THSD7B: variants seen among roughly 807,000 people sequenced by gnomAD.
THSD7B encodes thrombospondin type 1 domain containing 7B.
A neutral mutation model predicts 213.6 loss-of-function variants in THSD7B; 138 were observed. The ratio of observed to expected loss-of-function variants is 0.65; its 90% CI spans 0.56 to 0.74. The LOEUF (loss-of-function observed/expected upper bound fraction) is 0.74. THSD7B is among the 30% of genes least tolerant of loss of function. The pLI is 0.00. For synonymous variants in THSD7B, 742 were observed against 687.0 expected (o/e 1.08, Z -1.25); for missense variants, 1,931 against 1,991.5 (o/e 0.97, Z 0.58).
At chr2:137,160,192 C>T (rs769027697) in intron 5 of THSD7B, 21 bp from the exon 6 acceptor site, 32 of 1,603,048 alleles carry the variant, frequency 2.0e-5, no homozygotes, top group East Asian at 1.8e-4. Context: ...TGACATGGTC[C>T]GTTATCTTTT....
chr2:137,615,460 C>A (rs1469737221), intron 17 of THSD7B, among the ~76,000 whole-genome samples: 1 of 152,150 alleles, frequency 6.6e-6, no homozygotes, highest in Non-Finnish European at 1.5e-5. Flanking sequence ...TGTGGGTAGA[C>A]CAGCTGGATG....
intron 27 of THSD7B, among the ~76,000 whole-genome samples, chr2:137,675,262 T>C (rs1293282288): frequency 6.6e-6 from 1 of 152,028 alleles, no homozygotes; most frequent in South Asian, 2.1e-4. Context: ...ATGGTGATGG[T>C]ACACATGCTG....
At chr2:137,250,083 G>A (rs745973036) in intron 10 of THSD7B, among the ~76,000 whole-genome samples, 1 of 152,128 alleles carries the variant, frequency 6.6e-6, no homozygotes, top group Non-Finnish European at 1.5e-5. Flanking sequence ...CTGTCCTGGT[G>A]CTCCTGTTCA....
intron 3 of THSD7B, among the ~76,000 whole-genome samples, chr2:137,060,113 CAT>C (rs1463233728): frequency 2.0e-5 from 3 of 152,060 alleles, no homozygotes; most frequent in Non-Finnish European, 2.9e-5. Flanking sequence ...TCCTTAATGA[CAT>C]GTGATGCTGA....
chr2:137,651,147 G>T (rs1683129767), intron 21 of THSD7B, among the ~76,000 whole-genome samples: 1 of 151,952 alleles, frequency 6.6e-6, no homozygotes, highest in African/African-American at 2.4e-5. Context: ...GAGTAGAATT[G>T]GTATTAGTTC....
intron 15 of THSD7B, among the ~76,000 whole-genome samples, chr2:137,453,506 T>C (rs1222189736): frequency 6.6e-6 from 1 of 151,794 alleles, no homozygotes; most frequent in East Asian, 1.9e-4. Flanking sequence ...ATTTTTTGTA[T>C]TTTTAGTAGA....
chr2:137,160,318 C>A lies in THSD7B; in HGVS notation c.1475C>A (p.Ala492Asp), dbSNP rs776371329. Residue 492 changes from alanine to aspartate, a missense_variant, in exon 6 of 28, where the codon GCC (alanine) becomes GAC (aspartate). Ala to Asp is a moderately radical substitution (Grantham distance 126, BLOSUM62 -2). Transcript: ENST00000409968. ...STDCIVSSWS[A>D]WGLCIHENCH... ...GACTGCATAGTATCTTCCTGGTCAG[C>A]CTGGGGCCTGTGCATCCATGAAAAC... 1.2e-6 allele frequency: 2 copies of A among 1,613,590 alleles called. No homozygotes were observed. The highest frequency in any genetic ancestry group is 1.7e-6 in the Non-Finnish European group (2 of 1,179,682).
At chr2:137,120,717 CTCTAGTGTTAACTCCATCT>C (rs1268352403) in intron 5 of THSD7B, among the ~76,000 whole-genome samples, 1 of 152,186 alleles carries the variant, frequency 6.6e-6, no homozygotes, top group Non-Finnish European at 1.5e-5. Flanking sequence ...TGCTCCAGAT[CTCTAGTGTTAACTCCATCT>C]TCTTCTTAAG....
intron 17 of THSD7B, among the ~76,000 whole-genome samples, chr2:137,608,900 A>G (rs190597912): frequency 9.8e-5 from 15 of 152,352 alleles, no homozygotes; most frequent in African/African-American, 2.6e-4. Context: ...TAGTGTTTCA[A>G]TCAGGTTTGC....
At chr2:136,800,452 TC>T (rs1161404373) in intron 1 of THSD7B, among the ~76,000 whole-genome samples, 1 of 152,000 alleles carries the variant, frequency 6.6e-6, no homozygotes, top group African/African-American at 2.4e-5. Context: ...TTTCATAGTA[TC>T]TTCCCCACAA....
intron 12 of THSD7B, among the ~76,000 whole-genome samples, chr2:137,364,263 T>G (rs1042431148): frequency 6.6e-6 from 1 of 152,156 alleles, no homozygotes; most frequent in Admixed American, 6.6e-5. Context: ...TAAGAGCTAT[T>G]TATGACAGAC....
chr2:137,233,846 A>T (rs1191696173), intron 9 of THSD7B, among the ~76,000 whole-genome samples: 1 of 152,222 alleles, frequency 6.6e-6, no homozygotes, highest in Non-Finnish European at 1.5e-5. Flanking sequence ...CTGGTAAAGA[A>T]GAAAACAGAA....
At chr2:137,131,797 T>C (rs921022869) in intron 5 of THSD7B, among the ~76,000 whole-genome samples, 3 of 152,206 alleles carry the variant, frequency 2.0e-5, no homozygotes, top group Non-Finnish European at 4.4e-5. Flanking sequence ...GTAGTATAGT[T>C]TGAAGTCAGG....
intron 15 of THSD7B, among the ~76,000 whole-genome samples, chr2:137,527,852 G>A (rs920232311): frequency 6.6e-6 from 1 of 152,118 alleles, no homozygotes; most frequent in African/African-American, 2.4e-5. Flanking sequence ...GCCAGGACCA[G>A]TGAAAGTTAA....
At chr2:137,361,115 C>G (rs1016157376) in intron 12 of THSD7B, among the ~76,000 whole-genome samples, 69 of 152,150 alleles carry the variant, frequency 4.5e-4, no homozygotes, top group African/African-American at 1.6e-3. Context: ...CCAGCAAACT[C>G]CAACAGACCT....
At chr2:137,201,062 A>G (rs1295899576) in intron 7 of THSD7B, among the ~76,000 whole-genome samples, 1 of 152,194 alleles carries the variant, frequency 6.6e-6, no homozygotes, top group Non-Finnish European at 1.5e-5. Context: ...CATTGTTTCC[A>G]AGATTCATCC....
intron 17 of THSD7B, among the ~76,000 whole-genome samples, chr2:137,598,877 C>CT (rs57408242): frequency 0.074 from 10,274 of 138,314 alleles, 624 homozygotes; most frequent in African/African-American, 0.17. Context: ...CATTTTGGTT[C>CT]TTTTTTTTTT....
At chr2:137,193,660 T>C (rs1202574376) in intron 7 of THSD7B, among the ~76,000 whole-genome samples, 3 of 151,998 alleles carry the variant, frequency 2.0e-5, no homozygotes, top group Non-Finnish European at 4.4e-5. Context: ...GGTGTCATGC[T>C]CAGTGATGAG....
At chr2:137,044,772 G>T (rs1286200838) in intron 2 of THSD7B, among the ~76,000 whole-genome samples, 6 of 152,050 alleles carry the variant, frequency 3.9e-5, no homozygotes, top group Non-Finnish European at 8.8e-5. Context: ...AAATTAACAA[G>T]GATAAAATGA....
Sources: gnomAD v4.1 joint callset for allele counts (sites outside exome capture counted in the v4.1 genomes callset) on GRCh38, gnomAD v4.1.1 for gene constraint, MANE v1.5 for transcripts, NCBI Gene and HGNC (gene_info 2026-07-23, HGNC 2026-07-21) for gene names.